Variants in EFCAB6 observed in about 807,000 individuals in gnomAD.
EFCAB6 encodes EF-hand calcium binding domain 6.
EFCAB6 carries 156 observed loss-of-function variants against 169.8 expected under a neutral mutation model. The observed-to-expected ratio is 0.92, with a 90% CI of 0.81 to 1.05. EFCAB6 has a LOEUF of 1.05. EFCAB6 is among the 50% of genes least tolerant of loss of function. The pLI, the probability that EFCAB6 is intolerant of heterozygous loss-of-function variation, is 0.00. For missense variants in EFCAB6, 1,800 were observed against 1,829.1 expected, an observed-to-expected ratio of 0.98 and a Z score of 0.29; for synonymous variants, 698 against 676.4, an observed-to-expected ratio of 1.03 and a Z score of -0.50.
Position 43,534,818 on chromosome 22 carries a change from A to G in EFCAB6, c.4103T>C (p.Ile1368Thr). 2 of 1,614,000 alleles carry G rather than the reference A, an allele frequency of 1.2e-6. No homozygotes were observed. Among genetic ancestry groups the G allele is most frequent in the Non-Finnish European group, 1.7e-6 (2 of 1,179,990 alleles). ...GTTGCTCTTTAAGTCGTATTTTATAATGAGCTGCTGACACTCCTCTTTGCT... is the reference window on the plus strand; with the variant it reads ...GTTGCTCTTTAAGTCGTATTTTATAGTGAGCTGCTGACACTCCTCTTTGCT... ...DISKEECQQL[I>T]IKYDLKSNGK... The change falls in exon 30 of 32, where the codon ATT (isoleucine) becomes ACT (threonine). Residue 1368 changes from isoleucine to threonine, a missense_variant. Ile to Thr is a moderately conservative substitution (Grantham distance 89). Coordinates refer to ENST00000262726, the MANE Select transcript of EFCAB6 (RefSeq NM_022785.4).
chr22:43,600,309 AG>A (rs757338370), intron 22 of EFCAB6, 46 bp from the exon 23 acceptor site: 2 of 1,588,094 alleles, frequency 1.3e-6, no homozygotes, highest in Non-Finnish European at 1.7e-6. Context: ...GTAGCCAGTA[AG>A]GTGTGCTGAT....
chr22:43,685,005 C>G (rs1174496662), intron 11 of EFCAB6, among the ~76,000 whole-genome samples: 1 of 152,108 alleles, frequency 6.6e-6, no homozygotes, highest in African/African-American at 2.4e-5. Flanking sequence ...AATTCTAAAG[C>G]CCCTAATGCC....
chr22:43,622,593 C>T (rs2054187083), intron 20 of EFCAB6, among the ~76,000 whole-genome samples: 1 of 152,146 alleles, frequency 6.6e-6, no homozygotes, highest in South Asian at 2.1e-4. Flanking sequence ...CAAAAACAAA[C>T]AAACTCATTC....
chr22:43,686,255 TAGGCGTG>T (rs1235029931), intron 11 of EFCAB6, among the ~76,000 whole-genome samples: 2 of 152,310 alleles, frequency 1.3e-5, no homozygotes, highest in East Asian at 3.9e-4. Flanking sequence ...GCTGGGATTA[TAGGCGTG>T]AGTCACCGTG....
intron 2 of EFCAB6, among the ~76,000 whole-genome samples, chr22:43,784,022 T>C (rs1273443260): frequency 6.6e-6 from 1 of 152,162 alleles, no homozygotes; most frequent in African/African-American, 2.4e-5. Flanking sequence ...TGAGCCGTGA[T>C]TACGCCACTG....
chr22:43,762,730 T>A (rs889961357), intron 5 of EFCAB6, among the ~76,000 whole-genome samples: 3 of 152,196 alleles, frequency 2.0e-5, no homozygotes, highest in African/African-American at 7.2e-5. Flanking sequence ...ATCTCTTTCA[T>A]CTCAAATTTA....
chr22:43,637,286 G>C (rs1455098842), intron 17 of EFCAB6, among the ~76,000 whole-genome samples: 1 of 152,246 alleles, frequency 6.6e-6, no homozygotes, highest in Non-Finnish European at 1.5e-5. Flanking sequence ...CTTGGCTGCA[G>C]TCTGGACGTG....
At chr22:43,562,325 C>T (rs1272818077) in intron 26 of EFCAB6, among the ~76,000 whole-genome samples, 2 of 152,166 alleles carry the variant, frequency 1.3e-5, no homozygotes, top group Non-Finnish European at 2.9e-5. Context: ...ATGAAGTATA[C>T]AGTCATCAAA....
intron 19 of EFCAB6, among the ~76,000 whole-genome samples, chr22:43,631,396 G>T (rs1349146315): frequency 6.6e-6 from 1 of 151,802 alleles, no homozygotes; most frequent in Non-Finnish European, 1.5e-5. Flanking sequence ...ACTTGCACGC[G>T]CCACGCACAC....
Position 43,590,200 on chromosome 22 carries a change from A to G in EFCAB6, c.2906T>C (p.Ile969Thr), listed in dbSNP as rs1414852411. The change falls in exon 24 of 32, where the codon ATC becomes ACC. Residue 969 changes from isoleucine to threonine, a missense_variant. Ile to Thr is a moderately conservative substitution (Grantham distance 89). Transcript: ENST00000262726. ...RDKLMDRHQD[I>T]SKAFTKTDQS... ...ATCAGTTTTGGTGAATGCTTTGCTG[A>G]TATCTTGATGGCGGTCCATAAGCTT... 3 of 1,613,864 alleles carry G rather than the reference A, an allele frequency of 1.9e-6. No homozygotes were observed. The highest frequency in any genetic ancestry group is 2.5e-6 in the Non-Finnish European group (3 of 1,179,970).
At chr22:43,530,743 G>T (rs2047004982) in intron 31 of EFCAB6, 72 bp downstream of exon 31, 6 of 1,596,688 alleles carry the variant, frequency 3.8e-6, no homozygotes, top group South Asian at 3.4e-5. Context: ...AGGGCTCCCC[G>T]TGGGAAGTTT....
At chr22:43,791,048 A>C (rs1476342804) in intron 2 of EFCAB6, among the ~76,000 whole-genome samples, 1 of 152,202 alleles carries the variant, frequency 6.6e-6, no homozygotes, top group African/African-American at 2.4e-5. Context: ...AAGTAGATAT[A>C]CTGAATAGGT....
chr22:43,529,792 C>T (rs2046949951), intron 31 of EFCAB6, among the ~76,000 whole-genome samples: 1 of 152,210 alleles, frequency 6.6e-6, no homozygotes, highest in Non-Finnish European at 1.5e-5. Context: ...CAGCTCTGAC[C>T]TTCCTACCTC....
At chr22:43,751,081 G>A (rs1356435931) in intron 6 of EFCAB6, among the ~76,000 whole-genome samples, 1 of 152,172 alleles carries the variant, frequency 6.6e-6, no homozygotes, top group Admixed American at 6.5e-5. Context: ...CCCTGACTTG[G>A]GTAGTGACAC....
chr22:43,735,715 A>G, intron 7 of EFCAB6, 142 bp downstream of exon 7: 3 of 992,844 alleles, frequency 3.0e-6, no homozygotes, highest in South Asian at 3.2e-5. Context: ...ATGTCCAGTG[A>G]GTGCCTCTTT....
intron 26 of EFCAB6, among the ~76,000 whole-genome samples, chr22:43,575,467 C>A (rs903644761): frequency 6.6e-6 from 1 of 150,706 alleles, no homozygotes; most frequent in African/African-American, 2.4e-5. Context: ...CTCGGCCTCC[C>A]AAAGTGCTGG....
chr22:43,683,130 C>G (rs2058068159), intron 12 of EFCAB6, among the ~76,000 whole-genome samples: 1 of 152,182 alleles, frequency 6.6e-6, no homozygotes, highest in African/African-American at 2.4e-5. Flanking sequence ...GTAATTCACC[C>G]TGCTCCTCAC....
chr22:43,674,826 G>T (rs1025106803), intron 13 of EFCAB6, among the ~76,000 whole-genome samples: 1 of 152,132 alleles, frequency 6.6e-6, no homozygotes, highest in African/African-American at 2.4e-5. Context: ...TTTGCACCAG[G>T]TCACAGCTAA....
At chr22:43,564,294 A>C (rs1448522472) in intron 26 of EFCAB6, among the ~76,000 whole-genome samples, 1 of 150,608 alleles carries the variant, frequency 6.6e-6, no homozygotes, top group Admixed American at 6.7e-5. Flanking sequence ...CAAAAAATAC[A>C]AAAATCAGCA....
Sources: allele counts gnomAD v4.1 joint callset (sites outside exome capture counted in the v4.1 genomes callset), GRCh38; gene constraint gnomAD v4.1.1; transcripts MANE v1.5; gene names NCBI Gene and HGNC (gene_info 2026-07-23, HGNC 2026-07-21).